The following FOXN3 variants were observed in gnomAD, a reference collection of about 807,000 sequenced individuals.
The protein encoded by FOXN3 is forkhead box N3, also known as forkhead box protein N3.
FOXN3 carries 7 observed loss-of-function variants against 38.4 expected under a neutral mutation model. That is an observed-to-expected ratio of 0.18 (90% CI 0.10 to 0.34). The LOEUF (loss-of-function observed/expected upper bound fraction) is 0.34. Among genes scored for constraint, FOXN3 ranks in the 10% least tolerant of loss-of-function variants. The pLI, the probability that FOXN3 is intolerant of heterozygous loss-of-function variation, is 1.00. For synonymous variants in FOXN3, 230 were observed against 242.2 expected (o/e 0.95, Z 0.47); for missense variants, 456 against 613.4 (o/e 0.74, Z 2.71).
At chr14:89,502,039 G>A (rs1411091902) in intron 1 of FOXN3, among the ~76,000 whole-genome samples, 2 of 151,904 alleles carry the variant, frequency 1.3e-5, no homozygotes, top group Admixed American at 6.6e-5. Flanking sequence ...ATGGTGGCAT[G>A]AGCCTGTAAT....
At chr14:89,383,067 A>G (rs1453879610) in intron 2 of FOXN3, among the ~76,000 whole-genome samples, 71 of 111,932 alleles carry the variant, frequency 6.3e-4, no homozygotes, top group African/African-American at 2.4e-3. Context: ...TTTTTTGGCT[A>G]GAGTCAGTAC....
chr14:89,278,741 A>G (rs185639374), intron 4 of FOXN3, among the ~76,000 whole-genome samples: 86 of 152,290 alleles, frequency 5.6e-4, no homozygotes, highest in African/African-American at 2.0e-3. Context: ...TCGTCTGATT[A>G]TCTAGAAAAA....
chr14:89,364,009 A>G (rs1383329953), intron 2 of FOXN3, among the ~76,000 whole-genome samples: 1 of 136,926 alleles, frequency 7.3e-6, no homozygotes, highest in African/African-American at 3.1e-5. Context: ...ATATTCTTCC[A>G]TATCAAAATG....
chr14:89,378,706 CTTTT>C (rs35772860), intron 2 of FOXN3, among the ~76,000 whole-genome samples: 3 of 136,944 alleles, frequency 2.2e-5, no homozygotes, highest in East Asian at 2.1e-4. Context: ...TCTTTTTGCA[CTTTT>C]TTTTTTTTTT....
chr14:89,304,595 C>T (rs1887319142), intron 3 of FOXN3, among the ~76,000 whole-genome samples: 1 of 152,108 alleles, frequency 6.6e-6, no homozygotes, highest in African/African-American at 2.4e-5. Flanking sequence ...CTTGGCCATT[C>T]ATTTGATACC....
chr14:89,425,062 C>CTT (rs3994032), intron 1 of FOXN3, among the ~76,000 whole-genome samples: 16,682 of 104,070 alleles, frequency 0.16, 2,038 homozygotes, highest in Admixed American at 0.18. Context: ...GTTTTCTTTT[C>CTT]TTTTTTTTTT....
rs565036427 is a variant in FOXN3, at chr14:89,219,013, T to G, written c.746-38207A>C. Reference sequence around the variant, plus strand: ...TATTTTCTCCTTTTATTTAACAGATTGTTATTCTCAATCCTGCATCTTTGT... The same window carrying G: ...TATTTTCTCCTTTTATTTAACAGATGGTTATTCTCAATCCTGCATCTTTGT... On this transcript the variant is annotated intron_variant, in intron 4 of 5. Coordinates refer to ENST00000557258, the MANE Select transcript of FOXN3 (RefSeq NM_005197.4). Among the ~76,000 whole-genome samples the G allele has an allele frequency of 3.3e-5, 5 of 152,368 alleles. No individual in the cohort carries two copies. The South Asian group carries it at 8.3e-4, about 25-fold the overall frequency.
At chr14:89,596,772 T>C (rs1165811767) in intron 1 of FOXN3, among the ~76,000 whole-genome samples, 3 of 152,216 alleles carry the variant, frequency 2.0e-5, no homozygotes, top group African/African-American at 7.2e-5. Context: ...AAAATTTTTG[T>C]CCATTTCCTC....
At chr14:89,269,675 C>T (rs1193005939) in intron 4 of FOXN3, among the ~76,000 whole-genome samples, 1 of 152,004 alleles carries the variant, frequency 6.6e-6, no homozygotes, top group South Asian at 2.1e-4. Context: ...TCAACTGGGC[C>T]TGAGCAAGTG....
intron 2 of FOXN3, among the ~76,000 whole-genome samples, chr14:89,386,647 A>C (rs1383919420): frequency 1.6e-4 from 24 of 152,212 alleles, no homozygotes; most frequent in Non-Finnish European, 5.9e-5. Context: ...ACACTCTATT[A>C]GTCAGCTCAG....
At chr14:89,274,035 G>GCT (rs1886229309) in intron 4 of FOXN3, among the ~76,000 whole-genome samples, 1 of 152,186 alleles carries the variant, frequency 6.6e-6, no homozygotes, top group Non-Finnish European at 1.5e-5. Context: ...TTTGCAAAAT[G>GCT]GACAAAAGAG....
intron 1 of FOXN3, among the ~76,000 whole-genome samples, chr14:89,526,266 T>G (rs1316376703): frequency 6.6e-6 from 1 of 152,044 alleles, no homozygotes; most frequent in African/African-American, 2.4e-5. Context: ...GTTCTAACCA[T>G]GCCATCAAAC....
At chr14:89,600,317 T>A (rs1422560624) in intron 1 of FOXN3, among the ~76,000 whole-genome samples, 1 of 152,152 alleles carries the variant, frequency 6.6e-6, no homozygotes, top group East Asian at 1.9e-4. Flanking sequence ...ATCCTAATAA[T>A]AATGCATGGA....
intron 3 of FOXN3, among the ~76,000 whole-genome samples, chr14:89,316,227 T>A (rs956475188): frequency 6.6e-6 from 1 of 152,156 alleles, no homozygotes; most frequent in East Asian, 1.9e-4. Context: ...TCCTGAAGGA[T>A]GTGAGACCCC....
chr14:89,427,194 A>C (rs748547435), intron 1 of FOXN3, among the ~76,000 whole-genome samples: 15 of 145,174 alleles, frequency 1.0e-4, no homozygotes, highest in Non-Finnish European at 2.1e-4. Context: ...GTGCCACTGC[A>C]CTCCAGCCTG....
intron 4 of FOXN3, among the ~76,000 whole-genome samples, chr14:89,274,352 A>G (rs749911318): frequency 5.3e-5 from 8 of 152,234 alleles, no homozygotes; most frequent in Non-Finnish European, 8.8e-5. Context: ...CAACTGGAAT[A>G]TACCTATGAG....
In FOXN3 at chr14:89,162,912, T is replaced by C; in HGVS notation, c.909A>G (p.Pro303=). Residue 303 remains proline (P), a synonymous_variant, in exon 6 of 6, where the codon CCA becomes CCG. Coordinates refer to ENST00000557258, the MANE Select transcript of FOXN3 (RefSeq NM_005197.4). This position sits in a 1 kb window ranked among gnomAD's most constrained non-coding sequence, Gnocchi z 7.2. ...CCTCCTTGGGGTCTCCGCTGACCAC[T>C]GGGGAGCCACAAGATGGCTCACTCT... ...RTESEPSCGS[P]VVSGDPKEDH... is the part of the protein sequence containing the mutation. 1 of 1,593,280 alleles carries C rather than the reference T, an allele frequency of 6.3e-7. No homozygotes were observed. Among genetic ancestry groups the C allele is most frequent in the Middle Eastern group, 1.7e-4 (1 of 6,002 alleles).
intron 3 of FOXN3, among the ~76,000 whole-genome samples, chr14:89,317,442 C>A (rs1887752536): frequency 6.6e-6 from 1 of 152,164 alleles, no homozygotes; most frequent in African/African-American, 2.4e-5. Context: ...TCTAGACACC[C>A]TGGAGGGAAT....
chr14:89,469,837 A>G lies in FOXN3; in HGVS notation c.-14-57347T>C, dbSNP rs545137520. ...CCTAACACGCAGGATCGTTCCATGT[A>G]CACGTCCGTGCTTTGAAAACTGTGA... On this transcript the variant is annotated intron_variant, in intron 1 of 6. Coordinates refer to the FOXN3 transcript ENST00000345097. 2.0e-5 allele frequency among the ~76,000 whole-genome samples: 3 copies of G among 152,340 alleles called. No individual in the cohort carries two copies. The East Asian group carries it at 5.8e-4, about 29-fold the overall frequency.
Sources: gnomAD v4.1 joint callset for allele counts (sites outside exome capture counted in the v4.1 genomes callset) on GRCh38, gnomAD v4.1.1 for gene constraint, Gnocchi (gnomAD v3.1) non-coding constraint, MANE v1.5 for transcripts, NCBI Gene and HGNC (gene_info 2026-07-23, HGNC 2026-07-21) for gene names.